Variants in SIK3 observed in about 807,000 individuals in gnomAD.
The protein encoded by SIK3 is SIK family kinase 3.
A neutral mutation model predicts 144.2 loss-of-function variants in SIK3; 28 were observed. That is an observed-to-expected ratio of 0.19 (90% CI 0.14 to 0.27). The LOEUF is 0.27. Among genes scored for constraint, SIK3 ranks in the 10% least tolerant of loss-of-function variants. The pLI is 1.00. For synonymous variants in SIK3, 686 were observed against 676.3 expected, an observed-to-expected ratio of 1.01 and a Z score of -0.22; for missense variants, 1,319 against 1,776.0, an observed-to-expected ratio of 0.74 and a Z score of 4.62.
intron 1 of SIK3, among the ~76,000 whole-genome samples, chr11:117,043,119 G>A (rs536212750): frequency 6.6e-6 from 1 of 152,170 alleles, no homozygotes; most frequent in African/African-American, 2.4e-5. Context: ...GACTTGATGA[G>A]CTTCTCTAAC....
At chr11:117,045,904 T>C (rs1338109248) in intron 1 of SIK3, among the ~76,000 whole-genome samples, 1 of 152,246 alleles carries the variant, frequency 6.6e-6, no homozygotes, top group African/African-American at 2.4e-5. Flanking sequence ...GTTTAAACTT[T>C]TTTTATATGA....
chr11:116,886,532 A>G (rs11216174), intron 6 of SIK3, among the ~76,000 whole-genome samples: 10,784 of 152,268 alleles, frequency 0.071, 447 homozygotes, highest in Middle Eastern at 0.12. Flanking sequence ...CGTTCCCAGT[A>G]ATAAAATGCT....
At chr11:116,990,300 C>CT (rs1414606216) in intron 1 of SIK3, among the ~76,000 whole-genome samples, 1 of 152,132 alleles carries the variant, frequency 6.6e-6, no homozygotes, top group Non-Finnish European at 1.5e-5. Context: ...CCAAGAGTGT[C>CT]TAGACCTGAG....
At chr11:116,966,897 T>G (rs1949568893) in intron 1 of SIK3, among the ~76,000 whole-genome samples, 1 of 148,996 alleles carries the variant, frequency 6.7e-6, no homozygotes, top group South Asian at 2.1e-4. Context: ...CCCAGCTACT[T>G]GGGAGGCTGA....
chr11:117,021,928 CAAAAAAAAAAA>C (rs71037444), intron 1 of SIK3, among the ~76,000 whole-genome samples: 52 of 59,000 alleles, frequency 8.8e-4, no homozygotes, highest in Middle Eastern at 0.01. Context: ...TCTGTCTCTA[CAAAAAAAAAAA>C]AAAAAAAAAA....
At chr11:116,902,867 T>G (rs577284367) in intron 4 of SIK3, among the ~76,000 whole-genome samples, 1 of 152,332 alleles carries the variant, frequency 6.6e-6, no homozygotes, top group East Asian at 1.9e-4. Context: ...TAATTCTTTC[T>G]TTAACGTACC....
At chr11:117,069,935 G>T (rs1195515018) in intron 1 of SIK3, among the ~76,000 whole-genome samples, 2 of 152,118 alleles carry the variant, frequency 1.3e-5, no homozygotes. Flanking sequence ...TGAGAAATTC[G>T]ATTTTGATCT....
chr11:117,015,621 C>G (rs1361020805), intron 1 of SIK3, among the ~76,000 whole-genome samples: 1 of 151,444 alleles, frequency 6.6e-6, no homozygotes, highest in Non-Finnish European at 1.5e-5. Flanking sequence ...ATTGCCCAGG[C>G]TGGAGTACAA....
chr11:116,862,219 G>C lies in SIK3; in HGVS notation c.2212C>G (p.Leu738Val). The change falls in exon 17 of 25, where the codon CTC becomes GTC. Residue 738 changes from leucine to valine, a missense_variant. Leu to Val is a conservative substitution (Grantham distance 32, BLOSUM62 1). This residue lies in a region of SIK3 where 77 missense variants were observed against 141.9 expected (regional missense o/e 0.54). Coordinates refer to ENST00000445177, the MANE Select transcript of SIK3 (RefSeq NM_001366686.3). ...GGGCCTACTTGAATTTGTTGCTGGA[G>C]AATTTGATGGTGCTGCTCCTGCTGG... ...LYQQEQHHQI[L>V]QQQIQDSICP... is the part of the protein sequence containing the mutation. 6.2e-7 allele frequency: 1 copy of C among 1,614,216 alleles called. No individual in the cohort carries two copies. Among genetic ancestry groups the C allele is most frequent in the Non-Finnish European group, 8.5e-7 (1 of 1,180,038 alleles).
At chr11:116,889,753 TG>T (rs1945006246) in intron 6 of SIK3, among the ~76,000 whole-genome samples, 1 of 151,862 alleles carries the variant, frequency 6.6e-6, no homozygotes. Flanking sequence ...AAAAATTAGG[TG>T]GGCGTGGTGG....
intron 1 of SIK3, among the ~76,000 whole-genome samples, chr11:117,039,314 G>C (rs1952644782): frequency 6.6e-6 from 1 of 152,158 alleles, no homozygotes; most frequent in Non-Finnish European, 1.5e-5. Flanking sequence ...GTAGAGGTGA[G>C]GTCTCGCTAT....
chr11:116,927,288 T>C lies in SIK3; in HGVS notation c.547A>G (p.Asn183Asp). 6.2e-7 allele frequency: 1 copy of C among 1,614,028 alleles called. No individual in the cohort carries two copies. The highest frequency in any genetic ancestry group is 8.5e-7 in the Non-Finnish European group (1 of 1,179,922). Reference protein sequence around the residue: ...VTAVYFCHCRNIVHRDLKAEN... With the variant: ...VTAVYFCHCRDIVHRDLKAEN... ...GCTTTTAAATCACGATGAACAATGTTCCGACAGTGACAAAAATAGACAGCT... is the reference window on the plus strand; with the variant it reads ...GCTTTTAAATCACGATGAACAATGTCCCGACAGTGACAAAAATAGACAGCT... Residue 183 changes from asparagine (N) to aspartate (D), a missense_variant, in exon 4 of 25, where the codon AAC becomes GAC. Asn to Asp is a conservative substitution (Grantham distance 23). This residue lies in a region of SIK3 where 125 missense variants were observed against 285.2 expected (regional missense o/e 0.44). Transcript: ENST00000445177.
chr11:116,874,216 A>T (rs2134542956), intron 11 of SIK3, among the ~76,000 whole-genome samples, 160 bp from the exon 12 acceptor site: 1 of 152,330 alleles, frequency 6.6e-6, no homozygotes, highest in South Asian at 2.1e-4. Flanking sequence ...CAAAAGCCTA[A>T]AGTGTGGAAT....
intron 1 of SIK3, among the ~76,000 whole-genome samples, chr11:116,980,850 C>CA (rs1950115733): frequency 6.7e-6 from 1 of 148,704 alleles, no homozygotes; most frequent in East Asian, 2.0e-4. Flanking sequence ...GACCCTGTCT[C>CA]GAAAAAAAAA....
At chr11:117,037,189 T>G (rs1952542362) in intron 1 of SIK3, among the ~76,000 whole-genome samples, 1 of 152,144 alleles carries the variant, frequency 6.6e-6, no homozygotes, top group Non-Finnish European at 1.5e-5. Flanking sequence ...GAAAAACTGC[T>G]TTTTCAAGGC....
At chr11:117,071,693 T>C (rs1310264193) in intron 1 of SIK3, among the ~76,000 whole-genome samples, 2 of 152,090 alleles carry the variant, frequency 1.3e-5, no homozygotes, top group South Asian at 2.1e-4. Flanking sequence ...TCATGTTCAC[T>C]GCAGCCTCAA....
chr11:117,078,347 C>G (rs1002883643), intron 1 of SIK3, among the ~76,000 whole-genome samples: 10 of 151,602 alleles, frequency 6.6e-5, no homozygotes, highest in African/African-American at 2.2e-4. Flanking sequence ...CTGCATGCCA[C>G]AGGAAGGTAA....
At chr11:117,049,961 TA>T (rs57279331) in intron 1 of SIK3, among the ~76,000 whole-genome samples, 1 of 149,312 alleles carries the variant, frequency 6.7e-6, no homozygotes, top group East Asian at 2.0e-4. Context: ...ACCTGTCTCT[TA>T]AAAAAAAAAT....
intron 1 of SIK3, among the ~76,000 whole-genome samples, chr11:117,008,525 A>G (rs747634949): frequency 2.6e-5 from 4 of 152,236 alleles, no homozygotes; most frequent in Non-Finnish European, 5.9e-5. Context: ...TGCATGGAGA[A>G]AAGTCAAACC....
Sources: allele counts gnomAD v4.1 joint callset (sites outside exome capture counted in the v4.1 genomes callset), GRCh38; gene constraint gnomAD v4.1.1; regional missense constraint gnomAD v4.1.1; transcripts MANE v1.5; gene names NCBI Gene and HGNC (gene_info 2026-07-23, HGNC 2026-07-21).